Variants in SHMT1 observed in about 807,000 individuals in gnomAD.
The protein encoded by SHMT1 is serine hydroxymethyltransferase, cytosolic.
In SHMT1, 45 loss-of-function variants were observed where a neutral mutation model predicts 49.0. The observed-to-expected ratio is 0.92, with a 90% CI of 0.72 to 1.18. The LOEUF (loss-of-function observed/expected upper bound fraction) is 1.18, where lower values mean the gene tolerates loss of function less well. Among genes scored for constraint, SHMT1 ranks in the 50% most tolerant of loss-of-function variants. SHMT1 has a pLI of 0.00. For missense variants in SHMT1, 541 were observed against 612.4 expected (o/e 0.88, Z 1.23); for synonymous variants, 232 against 246.6 (o/e 0.94, Z 0.55).
At chr17:18,332,585 C>T (rs536218833) in intron 9 of SHMT1, 6 of 177,132 alleles carry the variant, frequency 3.4e-5, no homozygotes, top group South Asian at 1.3e-4. Context: ...ATGCGTTCTC[C>T]GTGGAAAGCT....
At chr17:18,361,488 A>C (rs12948193) in intron 1 of SHMT1, among the ~76,000 whole-genome samples, 1 of 149,828 alleles carries the variant, frequency 6.7e-6, no homozygotes, top group Admixed American at 6.7e-5. Context: ...AAAAAAAAAA[A>C]CAAAAAAGAA....
intron 7 of SHMT1, 90 bp downstream of exon 7, chr17:18,339,953 G>T: frequency 7.6e-7 from 1 of 1,324,048 alleles, no homozygotes; most frequent in Non-Finnish European, 1.1e-6. Context: ...CCAGGTCAGA[G>T]TTTTTCCCAG....
intron 11 of SHMT1, 103 bp from the exon 12 acceptor site, chr17:18,329,022 G>A: frequency 7.0e-7 from 1 of 1,422,952 alleles, no homozygotes; most frequent in Non-Finnish European, 9.8e-7. Context: ...CAGCTGGGGA[G>A]TGTGGCAGGG....
chr17:18,362,822 G>A (rs1986897296), intron 1 of SHMT1, among the ~76,000 whole-genome samples: 1 of 152,110 alleles, frequency 6.6e-6, no homozygotes, highest in South Asian at 2.1e-4. Flanking sequence ...GGCAGATTGC[G>A]GGCAACAGGA....
At chr17:18,355,811 A>C in intron 2 of SHMT1, 75 bp downstream of exon 2, 1 of 916,104 alleles carries the variant, frequency 1.1e-6, no homozygotes, top group Non-Finnish European at 1.8e-6. Context: ...GTCCCTAATT[A>C]ATTTGTAATT....
chr17:18,362,554 CCTCAAGTGATCCGCCCA>C lies in SHMT1; in HGVS notation c.-20+801_-20+817del, dbSNP rs571798290. On this transcript the variant is annotated intron_variant, in intron 1 of 11. Transcript: ENST00000316694. The stretch of plus-strand genomic sequence containing the variant: ...GGCCAGGCTGGTCTCCAACTACTAA[CCTCAAGTGATCCGCCCA>C]CCTCGGCCTCCCAAAATGCTGGGAT... Among the ~76,000 whole-genome samples, 37 of 152,306 alleles carry C rather than the reference CCTCAAGTGATCCGCCCA, an allele frequency of 2.4e-4. No individual in the cohort carries two copies. In the South Asian group the frequency reaches 7.5e-3, roughly 31 times the overall value.
chr17:18,330,496 T>C (rs12937300), intron 10 of SHMT1, 59 bp downstream of exon 10: 344,874 of 1,211,940 alleles, frequency 0.28, 52,107 homozygotes, highest in Non-Finnish European at 0.31. Context: ...AGCTACAACT[T>C]TGGCCAGAAG....
In SHMT1 at chr17:18,330,642, C is replaced by G; in HGVS notation, c.1084G>C (p.Asp362His). ...CCATCTGTGCCTTTGGAACGGAGAT[C>G]CACAAGGATCAAATGGTTGTCAGAA... ...GGSDNHLILV[D>H]LRSKGTDGGR... is the part of the protein sequence containing the mutation. The change falls in exon 10 of 12, where the codon GAT (aspartate) becomes CAT (histidine). Residue 362 changes from aspartate to histidine, a missense_variant. Transcript: ENST00000316694. 1 of 1,614,090 alleles carries G rather than the reference C, an allele frequency of 6.2e-7. No individual in the cohort carries two copies.
At chr17:18,352,345 A>T (rs932817093) in intron 3 of SHMT1, among the ~76,000 whole-genome samples, 1 of 151,694 alleles carries the variant, frequency 6.6e-6, no homozygotes, top group Non-Finnish European at 1.5e-5. Context: ...ACGGGGTTTC[A>T]CCGTGTTAGC....
At chr17:18,349,715 A>T (rs4925179) in intron 3 of SHMT1, among the ~76,000 whole-genome samples, 106,854 of 151,822 alleles carry the variant, frequency 0.7, 38,372 homozygotes, top group African/African-American at 0.86. Flanking sequence ...TGAGACCCTA[A>T]CTCTAAAAAA....
chr17:18,340,546 G>T lies in SHMT1; in HGVS notation c.601+186C>A. 1 of 703,268 alleles carries T rather than the reference G, an allele frequency of 1.4e-6. No individual in the cohort carries two copies. The highest frequency in any genetic ancestry group is 2.6e-6 in the Non-Finnish European group (1 of 390,570). The allele number at this position is 703,268 out of a possible 1,614,324, so 43.6% of individuals were successfully genotyped here. ...ACAGTCTCACATCTTAATCTACATA[G>T]CACAAAAAGCAGCAAACACACATCT... On this transcript the variant is annotated intron_variant, in intron 6 of 11. Coordinates refer to ENST00000316694, the MANE Select transcript of SHMT1 (RefSeq NM_004169.5). This position sits in a 1 kb window ranked among gnomAD's most constrained non-coding sequence, Gnocchi z 4.5.
At chr17:18,332,527 TAA>T (rs903805405) in intron 9 of SHMT1, 1 of 177,834 alleles carries the variant, frequency 5.6e-6, no homozygotes, top group Admixed American at 5.4e-5. Context: ...GGACTAGGTA[TAA>T]AGTCGCCCTT....
At chr17:18,333,107 G>C in intron 9 of SHMT1, 59 bp downstream of exon 9, 1 of 1,605,492 alleles carries the variant, frequency 6.2e-7, no homozygotes, top group South Asian at 1.1e-5. Context: ...CACAAACTGA[G>C]AAGCAAGCCT....
Position 18,353,827 on chromosome 17 carries a change from A to C in SHMT1, c.97-10T>G, listed in dbSNP as rs1051853615. 3 of 1,613,932 alleles carry C rather than the reference A, an allele frequency of 1.9e-6. No homozygotes were observed. The highest frequency in any genetic ancestry group is 2.5e-6 in the Non-Finnish European group (3 of 1,179,764). Reference sequence around the variant, plus strand: ...TAATGATGTTGTAAACCTTATGAGAAGAAAACAGATGCTTGATATTTGGAA... The same window carrying C: ...TAATGATGTTGTAAACCTTATGAGACGAAAACAGATGCTTGATATTTGGAA... On this transcript the variant is annotated splice_polypyrimidine_tract_variant and intron_variant, in intron 2 of 11. Transcript: ENST00000316694.
chr17:18,328,923 T>A lies in SHMT1; in HGVS notation c.1283-4A>T. 1 of 1,613,648 alleles carries A rather than the reference T, an allele frequency of 6.2e-7. No homozygotes were observed. Among genetic ancestry groups the A allele is most frequent in the Non-Finnish European group, 8.5e-7 (1 of 1,179,908 alleles). ...ATCTGCAGGGTCAGCTCTATCCCTG[T>A]GCCACAAGACACAAATGAGTCACCC... On this transcript the variant is annotated splice_region_variant and splice_polypyrimidine_tract_variant and intron_variant, in intron 11 of 11. Coordinates refer to ENST00000316694, the MANE Select transcript of SHMT1 (RefSeq NM_004169.5).
At position 18,363,511 on chromosome 17, in the gene SHMT1, G is replaced by C. The variant is rs1401753979; in HGVS notation, c.-159C>G. ...CCCCGAACTTGGCGCTGGACCGCTC[G>C]AGCTCAGGAAGGTGCACTCTGCGCG... On this transcript the variant is annotated 5_prime_UTR_variant, in exon 1 of 12. Transcript: ENST00000316694. 4 of 152,424 alleles carry C rather than the reference G, an allele frequency of 2.6e-5. No individual in the cohort carries two copies. Among genetic ancestry groups the C allele is most frequent in the Admixed American group, 6.5e-5 (1 of 15,286 alleles). The allele number at this position is 152,424 out of a possible 1,614,324, so 9.4% of individuals were successfully genotyped here.
chr17:18,335,369 G>A (rs1319809680), intron 8 of SHMT1, among the ~76,000 whole-genome samples, 190 bp downstream of exon 8: 2 of 152,250 alleles, frequency 1.3e-5, no homozygotes, highest in African/African-American at 4.8e-5. Flanking sequence ...TACACGTGGA[G>A]TGGATGCCAT....
At chr17:18,347,383 G>T in intron 5 of SHMT1, 113 bp downstream of exon 5, 1 of 1,203,896 alleles carries the variant, frequency 8.3e-7, no homozygotes, top group Non-Finnish European at 1.2e-6. Flanking sequence ...TAAAAACGGT[G>T]CGAGGTGGGG....
Position 18,329,361 on chromosome 17 carries a change from C to A in SHMT1, c.1199G>T (p.Gly400Val). ...CAGTGCTGGGGTCCCCAGCCGCAGT[C>A]CACTGGGCCGCAGAGCGCTTCTGTC... ...PGDRSALRPS[G>V]LRLGTPALTS... is the part of the protein sequence containing the mutation. The change falls in exon 11 of 12, where the codon GGA becomes GTA. Residue 400 changes from glycine to valine, a missense_variant. Physicochemically the swap from Gly to Val is moderately radical, Grantham distance 109. Coordinates refer to ENST00000316694, the MANE Select transcript of SHMT1 (RefSeq NM_004169.5). 6.2e-7 allele frequency: 1 copy of A among 1,612,900 alleles called. No homozygotes were observed. The highest frequency in any genetic ancestry group is 8.5e-7 in the Non-Finnish European group (1 of 1,179,988).
Sources: allele counts gnomAD v4.1 joint callset (sites outside exome capture counted in the v4.1 genomes callset), GRCh38; gene constraint gnomAD v4.1.1; non-coding constraint Gnocchi (gnomAD v3.1); transcripts MANE v1.5; gene names NCBI Gene and HGNC (gene_info 2026-07-23, HGNC 2026-07-21).